SUSD4: variants seen among roughly 807,000 people sequenced by gnomAD.
The protein encoded by SUSD4 is sushi domain-containing protein 4.
SUSD4 carries 41 observed loss-of-function variants against 50.5 expected under a neutral mutation model. The observed-to-expected ratio is 0.81, with a 90% confidence interval of 0.63 to 1.05. The LOEUF is 1.05. Among genes scored for constraint, SUSD4 ranks in the 50% least tolerant of loss-of-function variants. The pLI is 0.00. For synonymous variants in SUSD4, 257 were observed against 257.3 expected (o/e 1.00, Z 0.01); for missense variants, 580 against 634.7 (o/e 0.91, Z 0.93).
chr1:223,296,367 G>A (rs2103163271), intron 2 of SUSD4, among the ~76,000 whole-genome samples: 1 of 152,312 alleles, frequency 6.6e-6, no homozygotes, highest in South Asian at 2.1e-4. Context: ...AGAACAAGAT[G>A]AAGAGTGGGC....
intron 3 of SUSD4, among the ~76,000 whole-genome samples, chr1:223,282,796 A>C (rs1663841022): frequency 6.6e-6 from 1 of 152,248 alleles, no homozygotes; most frequent in African/African-American, 2.4e-5. Context: ...ATCCTAAGCC[A>C]AAAGAACAAA....
intron 2 of SUSD4, among the ~76,000 whole-genome samples, chr1:223,333,272 C>T (rs1419767645): frequency 6.6e-6 from 1 of 152,108 alleles, no homozygotes; most frequent in Non-Finnish European, 1.5e-5. Flanking sequence ...CACCACTCTG[C>T]ATGGGAAGTT....
intron 2 of SUSD4, among the ~76,000 whole-genome samples, chr1:223,360,868 T>G (rs1475703956): frequency 2.0e-5 from 3 of 152,178 alleles, no homozygotes; most frequent in Non-Finnish European, 4.4e-5. Context: ...GAAGATTAGA[T>G]ATTGGGTGAG....
chr1:223,243,077 G>C (rs1328848678), intron 5 of SUSD4, among the ~76,000 whole-genome samples: 5 of 152,114 alleles, frequency 3.3e-5, no homozygotes, highest in South Asian at 2.1e-4. Flanking sequence ...TGCTCCCCAT[G>C]ATGGGCAGCC....
In SUSD4 at chr1:223,231,657, T is replaced by C. The variant is rs1423882578; in HGVS notation, c.725-2269A>G. Among the ~76,000 whole-genome samples, 1 of 152,238 alleles carries C rather than the reference T, an allele frequency of 6.6e-6. No homozygotes were observed. The highest frequency in any genetic ancestry group is 1.5e-5 in the Non-Finnish European group (1 of 68,046). On this transcript the variant is annotated intron_variant, in intron 5 of 8. Transcript: ENST00000366878. This position sits in a 1 kb window ranked among gnomAD's most constrained non-coding sequence, Gnocchi z 4.2. Reference sequence around the variant, plus strand: ...GGAACAGGGAGAGAGAAAAAGGCACTGGCCACGTTGTTGAACTGGTCCTGG... The same window carrying C: ...GGAACAGGGAGAGAGAAAAAGGCACCGGCCACGTTGTTGAACTGGTCCTGG...
At chr1:223,352,528 C>G (rs1461417246) in intron 2 of SUSD4, among the ~76,000 whole-genome samples, 1 of 152,116 alleles carries the variant, frequency 6.6e-6, no homozygotes, top group Admixed American at 6.5e-5. Flanking sequence ...CTAGGAAGGT[C>G]TGGGGCCGAG....
At chr1:223,302,363 C>A (rs1665250809) in intron 2 of SUSD4, among the ~76,000 whole-genome samples, 1 of 152,148 alleles carries the variant, frequency 6.6e-6, no homozygotes, top group African/African-American at 2.4e-5. Flanking sequence ...CCAGTGATAG[C>A]CTAACTTATC....
chr1:223,252,962 C>T lies in SUSD4; in HGVS notation c.724+11668G>A, dbSNP rs192378722. Reference sequence around the variant, plus strand: ...ACAAAATTAGCCAGGTATGGCAGTGCAGCCTGTAGTACCAGCTAGTTGGGA... The same window carrying T: ...ACAAAATTAGCCAGGTATGGCAGTGTAGCCTGTAGTACCAGCTAGTTGGGA... On this transcript the variant is annotated intron_variant, in intron 5 of 8. Transcript: ENST00000366878. Among the ~76,000 whole-genome samples the T allele has an allele frequency of 2.3e-3, 348 of 152,056 alleles. 1 individual carries two copies. Among genetic ancestry groups the T allele is most frequent in the Non-Finnish European group, 3.5e-3 (235 of 67,984 alleles).
At position 223,360,914 on chromosome 1, in the gene SUSD4, T is replaced by C. The variant is rs193289805; in HGVS notation, c.148+2364A>G. 1.1e-3 allele frequency among the ~76,000 whole-genome samples: 160 copies of C among 152,302 alleles called. 1 individual carries two copies. The highest frequency in any genetic ancestry group is 3.5e-3 in the African/African-American group (144 of 41,572). Reference sequence around the variant, plus strand: ...CTCACAGGCCATTTGCATTCAGTAATTGAGAATGATGGCAGAAAGTCTGGA... The same window carrying C: ...CTCACAGGCCATTTGCATTCAGTAACTGAGAATGATGGCAGAAAGTCTGGA... On this transcript the variant is annotated intron_variant, in intron 2 of 8. Coordinates refer to ENST00000366878, the MANE Select transcript of SUSD4 (RefSeq NM_017982.4).
chr1:223,246,599 G>A (rs902793631), intron 5 of SUSD4, among the ~76,000 whole-genome samples: 1 of 152,076 alleles, frequency 6.6e-6, no homozygotes, highest in African/African-American at 2.4e-5. Context: ...CCACATGAGT[G>A]GAAGGAGGGG....
chr1:223,320,093 TC>T (rs1308820495), intron 2 of SUSD4, among the ~76,000 whole-genome samples: 1 of 152,224 alleles, frequency 6.6e-6, no homozygotes, highest in East Asian at 1.9e-4. Context: ...TCCTAAGCCC[TC>T]CCGAAGCTTC....
intron 2 of SUSD4, among the ~76,000 whole-genome samples, chr1:223,300,459 T>C (rs528155670): frequency 3.3e-5 from 5 of 152,246 alleles, no homozygotes; most frequent in Non-Finnish European, 5.9e-5. Context: ...AGTTTTACTG[T>C]GAGCAACATA....
At chr1:223,361,278 A>T (rs1433687503) in intron 2 of SUSD4, among the ~76,000 whole-genome samples, 4 of 152,144 alleles carry the variant, frequency 2.6e-5, no homozygotes, top group Non-Finnish European at 5.9e-5. Context: ...CAAACGGTTT[A>T]TTCATAGAGG....
rs774685757 is a variant in SUSD4 at position 223,223,592 on chromosome 1, C to T, written c.1101G>A (p.Val367=). Residue 367 remains valine (V), a synonymous_variant, in exon 8 of 9, where the codon GTG becomes GTA. Transcript: ENST00000366878. The part of the protein sequence containing the change: ...PRSSSSDPDF[V]VVDGVPVMLP... ...GCATGACGGGCACGCCGTCTACCAC[C>T]ACAAAGTCAGGGTCACTGCTGGAAC... 2.5e-5 allele frequency: 41 copies of T among 1,612,484 alleles called. No homozygotes were observed. The highest frequency in any genetic ancestry group is 1.7e-4 in the Middle Eastern group (1 of 6,056).
At chr1:223,333,658 G>A (rs932665489) in intron 2 of SUSD4, among the ~76,000 whole-genome samples, 50 of 152,316 alleles carry the variant, frequency 3.3e-4, no homozygotes, top group African/African-American at 1.0e-3. Context: ...GGGCACCCTT[G>A]CAGAGCCATG....
chr1:223,276,457 A>C (rs1663282708), intron 3 of SUSD4, among the ~76,000 whole-genome samples: 1 of 152,234 alleles, frequency 6.6e-6, no homozygotes, highest in African/African-American at 2.4e-5. Context: ...TTGGTTGCAC[A>C]GGCTTGAGAA....
At chr1:223,297,876 GGATGGATGGATGGATA>G (rs1165367194) in intron 2 of SUSD4, among the ~76,000 whole-genome samples, 1 of 152,216 alleles carries the variant, frequency 6.6e-6, no homozygotes, top group African/African-American at 2.4e-5. Flanking sequence ...AGCAAGGGAT[GGATGGATGGATGGATA>G]GATGGATGGA....
intron 5 of SUSD4, among the ~76,000 whole-genome samples, chr1:223,253,021 G>GCCTC (rs1387073046): frequency 2.0e-5 from 3 of 151,942 alleles, no homozygotes; most frequent in African/African-American, 7.3e-5. Flanking sequence ...AACCTGAGAG[G>GCCTC]CGGAGGTTGC....
chr1:223,307,790 C>T (rs1434386953), intron 2 of SUSD4, among the ~76,000 whole-genome samples: 3 of 152,150 alleles, frequency 2.0e-5, no homozygotes, highest in African/African-American at 4.8e-5. Context: ...AGTCAAGCAA[C>T]AAGATTAGGG....
Sources: allele counts gnomAD v4.1 joint callset (sites outside exome capture counted in the v4.1 genomes callset), GRCh38; gene constraint gnomAD v4.1.1; non-coding constraint Gnocchi (gnomAD v3.1); transcripts MANE v1.5; gene names NCBI Gene and HGNC (gene_info 2026-07-23, HGNC 2026-07-21).